Variants in AGAP1 observed in about 807,000 individuals in gnomAD.
AGAP1 encodes arf-GAP with GTPase, ANK repeat and PH domain-containing protein 1.
A neutral mutation model predicts 105.3 loss-of-function variants in AGAP1; 29 were observed. That is an observed-to-expected ratio of 0.28 (90% CI 0.21 to 0.38). The LOEUF (loss-of-function observed/expected upper bound fraction) is 0.38, where lower values mean the gene tolerates loss of function less well. AGAP1 is among the 10% of genes least tolerant of loss of function. The pLI, the probability that AGAP1 is intolerant of heterozygous loss-of-function variation, is 1.00. For synonymous variants in AGAP1, 509 were observed against 485.9 expected, an observed-to-expected ratio of 1.05 and a Z score of -0.63; for missense variants, 998 against 1,165.1, an observed-to-expected ratio of 0.86 and a Z score of 2.09.
In AGAP1 at chr2:235,660,948, T is replaced by C. The variant is rs941575703; in HGVS notation, c.164-48231T>C. Among the ~76,000 whole-genome samples the C allele has an allele frequency of 1.3e-5, 2 of 152,146 alleles. No homozygotes were observed. Among genetic ancestry groups the C allele is most frequent in the South Asian group, 2.1e-4 (1 of 4,826 alleles). On this transcript the variant is annotated intron_variant, in intron 1 of 17. Transcript: ENST00000304032. This position sits in a 1 kb window ranked among gnomAD's most constrained non-coding sequence, Gnocchi z 5.3. Reference sequence around the variant, plus strand: ...GCCTCTTAGCCACTCAGTGCAACTGTGGAGACTGGAGGGTGTCGGGGCGTT... The same window carrying C: ...GCCTCTTAGCCACTCAGTGCAACTGCGGAGACTGGAGGGTGTCGGGGCGTT...
At chr2:235,687,595 C>A (rs1046881233) in intron 1 of AGAP1, among the ~76,000 whole-genome samples, 2 of 152,164 alleles carry the variant, frequency 1.3e-5, no homozygotes, top group African/African-American at 2.4e-5. Flanking sequence ...CAGATAAAAA[C>A]TTATTACATG....
chr2:235,562,856 A>G (rs1387368897), intron 1 of AGAP1, among the ~76,000 whole-genome samples: 1 of 152,150 alleles, frequency 6.6e-6, no homozygotes, highest in African/African-American at 2.4e-5. Context: ...CAGGAGGTTA[A>G]GACCAGCCTG....
chr2:236,074,994 A>G (rs1338603665), intron 16 of AGAP1, among the ~76,000 whole-genome samples: 1 of 152,214 alleles, frequency 6.6e-6, no homozygotes, highest in Non-Finnish European at 1.5e-5. Context: ...TGGAGGTTGC[A>G]GTGAGCCAAG....
chr2:235,681,843 C>CTTTTTTTT (rs56934868), intron 1 of AGAP1, among the ~76,000 whole-genome samples: 5 of 78,302 alleles, frequency 6.4e-5, no homozygotes, highest in Non-Finnish European at 9.5e-5. Flanking sequence ...ATTTAGTTTG[C>CTTTTTTTT]TTTTTTTTTT....
chr2:236,121,946 C>T lies in AGAP1; in HGVS notation c.2370+1499C>T, dbSNP rs775887288. Among the ~76,000 whole-genome samples the T allele has an allele frequency of 6.6e-5, 10 of 151,812 alleles. No individual in the cohort carries two copies. The highest frequency in any genetic ancestry group is 1.2e-4 in the Non-Finnish European group (8 of 67,970). ...TGCACTCGCTCCTGGTAGCTCTCTCCTTTCCCCCCACCCCCTTCTTTTTGG... is the reference window on the plus strand; with the variant it reads ...TGCACTCGCTCCTGGTAGCTCTCTCTTTTCCCCCCACCCCCTTCTTTTTGG... On this transcript the variant is annotated intron_variant, in intron 17 of 17. Transcript: ENST00000304032. The surrounding 1 kb of genome is among the most constrained non-coding windows in gnomAD (Gnocchi z 4.9).
chr2:235,554,247 G>A lies in AGAP1; in HGVS notation c.163+59398G>A, dbSNP rs534383499. On this transcript the variant is annotated intron_variant, in intron 1 of 17. Coordinates refer to ENST00000304032, the MANE Select transcript of AGAP1 (RefSeq NM_001037131.3). ...GTCCAGCCTGCCTTACGGTGCTCACGCTGAAGCAGAGAGTGGCCTGCTTAG... is the reference window on the plus strand; with the variant it reads ...GTCCAGCCTGCCTTACGGTGCTCACACTGAAGCAGAGAGTGGCCTGCTTAG... 2.0e-5 allele frequency among the ~76,000 whole-genome samples: 3 copies of A among 152,348 alleles called. No homozygotes were observed. The South Asian group carries it at 6.2e-4, about 32-fold the overall frequency.
chr2:236,102,326 G>C (rs2059373814), intron 16 of AGAP1, among the ~76,000 whole-genome samples: 1 of 150,624 alleles, frequency 6.6e-6, no homozygotes, highest in Non-Finnish European at 1.5e-5. Context: ...CAGAGGCAAG[G>C]AGAATGGCGT....
At position 235,788,833 on chromosome 2, in the gene AGAP1, C is replaced by T. The variant is rs1956803618; in HGVS notation, c.674-8926C>T. 6.6e-6 allele frequency among the ~76,000 whole-genome samples: 1 copy of T among 152,278 alleles called. No individual in the cohort carries two copies. The highest frequency in any genetic ancestry group is 3.4e-3 in the Middle Eastern group (1 of 294). ...CAAAACCAGCTGCGGGGCCACACCA[C>T]GTTAGGGTGCTTTTCGGCATCTCTC... On this transcript the variant is annotated intron_variant, in intron 6 of 17. Coordinates refer to ENST00000304032, the MANE Select transcript of AGAP1 (RefSeq NM_001037131.3). This position sits in a 1 kb window ranked among gnomAD's most constrained non-coding sequence, Gnocchi z 6.0.
At chr2:235,651,720 T>C (rs1401780866) in intron 1 of AGAP1, among the ~76,000 whole-genome samples, 1 of 152,280 alleles carries the variant, frequency 6.6e-6, no homozygotes, top group East Asian at 1.9e-4. Flanking sequence ...TTTTATAAAC[T>C]TGTTTGGAAA....
chr2:235,974,334 T>G (rs2054772070), intron 13 of AGAP1, among the ~76,000 whole-genome samples: 1 of 152,198 alleles, frequency 6.6e-6, no homozygotes, highest in Non-Finnish European at 1.5e-5. Context: ...TCAGATTCCA[T>G]GTAAAGACAC....
chr2:236,081,869 G>C (rs546015960), intron 16 of AGAP1, among the ~76,000 whole-genome samples: 1 of 151,992 alleles, frequency 6.6e-6, no homozygotes, highest in South Asian at 2.1e-4. Flanking sequence ...GGATGAAAGC[G>C]GTCCCCTCCT....
rs35144826 is a variant in AGAP1, at chr2:236,072,443, C to CAA, written c.2114+23174_2114+23175dup. 877 of 138,724 alleles carry CAA rather than the reference C, an allele frequency of 6.3e-3. 5 individuals are homozygous for CAA. Among genetic ancestry groups the CAA allele is most frequent in the African/African-American group, 0.022 (820 of 38,128 alleles). 8.6% of individuals were successfully genotyped at this position (138,724 alleles called of 1,614,324 possible). On this transcript the variant is annotated intron_variant, in intron 16 of 17. Transcript: ENST00000304032. Reference sequence around the variant, plus strand: ...CCGGCGACAGAGCAAGACTCTGTCTCAAAAAAAAAAAAAGAGATAGGGTCT... The same window carrying CAA: ...CCGGCGACAGAGCAAGACTCTGTCTCAAAAAAAAAAAAAAAGAGATAGGGTCT...
At chr2:236,034,044 C>T (rs970212010) in intron 13 of AGAP1, among the ~76,000 whole-genome samples, 5 of 152,170 alleles carry the variant, frequency 3.3e-5, no homozygotes, top group African/African-American at 1.2e-4. Flanking sequence ...TCCTTATGAT[C>T]TAACTGTGAG....
intron 2 of AGAP1, among the ~76,000 whole-genome samples, chr2:235,709,660 A>G (rs1051573841): frequency 5.9e-5 from 9 of 152,098 alleles, no homozygotes; most frequent in African/African-American, 2.2e-4. Flanking sequence ...GTCATGAGTC[A>G]CCAAGCTTTG....
intron 12 of AGAP1, among the ~76,000 whole-genome samples, chr2:235,937,468 A>G (rs1245007167): frequency 2.0e-5 from 3 of 152,228 alleles, no homozygotes; most frequent in African/African-American, 7.2e-5. Flanking sequence ...GACCAGGGGA[A>G]ACAGAGGACA....
intron 9 of AGAP1, among the ~76,000 whole-genome samples, chr2:235,828,729 T>C (rs774517227): frequency 2.0e-5 from 3 of 152,196 alleles, no homozygotes; most frequent in Non-Finnish European, 4.4e-5. Context: ...TCAAAGTCCA[T>C]CCCAAGACTG....
chr2:235,790,402 G>C (rs1269979299), intron 6 of AGAP1, among the ~76,000 whole-genome samples: 1 of 152,060 alleles, frequency 6.6e-6, no homozygotes, highest in African/African-American at 2.4e-5. Flanking sequence ...TGCTTCTCGG[G>C]AAACCGCTGG....
chr2:235,796,258 A>G (rs1219929921), intron 6 of AGAP1, among the ~76,000 whole-genome samples: 3 of 152,252 alleles, frequency 2.0e-5, no homozygotes, highest in African/African-American at 7.2e-5. Flanking sequence ...TGCAATTTCA[A>G]GATACCTAGA....
rs1479014969 is a variant in AGAP1 at position 235,739,837 on chromosome 2, A to G, written c.311-1126A>G. On this transcript the variant is annotated intron_variant, in intron 3 of 17. Coordinates refer to ENST00000304032, the MANE Select transcript of AGAP1 (RefSeq NM_001037131.3). This position sits in a 1 kb window ranked among gnomAD's most constrained non-coding sequence, Gnocchi z 5.3. ...TGATGTGGTTCAGACCCAGGATTCT[A>G]GGAGGGAAGGTTCCCGTCGCAGGGG... 3.3e-5 allele frequency among the ~76,000 whole-genome samples: 5 copies of G among 152,150 alleles called. No individual in the cohort carries two copies. The highest frequency in any genetic ancestry group is 1.2e-4 in the African/African-American group (5 of 41,454).
Sources: gnomAD v4.1 joint callset for allele counts (sites outside exome capture counted in the v4.1 genomes callset) on GRCh38, gnomAD v4.1.1 for gene constraint, Gnocchi (gnomAD v3.1) non-coding constraint, MANE v1.5 for transcripts, NCBI Gene and HGNC (gene_info 2026-07-23, HGNC 2026-07-21) for gene names.